ADGRL2: variants seen among roughly 807,000 people sequenced by gnomAD.
ADGRL2 encodes calcium-independent alpha-latrotoxin receptor 2.
ADGRL2 carries 44 observed loss-of-function variants against 157.4 expected under a neutral mutation model. That is an observed-to-expected ratio of 0.28 (90% confidence interval 0.22 to 0.36). The LOEUF (loss-of-function observed/expected upper bound fraction) is 0.36, where lower values mean the gene tolerates loss of function less well. Ranked by LOEUF, ADGRL2 falls within the 10% of genes least tolerant of loss-of-function variation. The pLI, the probability that ADGRL2 is intolerant of heterozygous loss-of-function variation, is 1.00. For synonymous variants in ADGRL2, 585 were observed against 624.7 expected, an observed-to-expected ratio of 0.94 and a Z score of 0.95; for missense variants, 1,510 against 1,768.9, an observed-to-expected ratio of 0.85 and a Z score of 2.63.
At chr1:81,764,466 T>A (rs1337126697) in intron 2 of ADGRL2, among the ~76,000 whole-genome samples, 2 of 152,132 alleles carry the variant, frequency 1.3e-5, no homozygotes, top group African/African-American at 2.4e-5. Flanking sequence ...GAAAAAAGTC[T>A]CTAGCATGCA....
rs115001994 is a variant in ADGRL2 at position 81,621,737 on chromosome 1, A to G, written c.-143+40757A>G. Among the ~76,000 whole-genome samples, 1,302 of 152,302 alleles carry G rather than the reference A, an allele frequency of 8.5e-3. 32 individuals carry two copies. Among genetic ancestry groups the G allele is most frequent in the African/African-American group, 0.03 (1,237 of 41,550 alleles). On this transcript the variant is annotated intron_variant, in intron 3 of 24. Coordinates refer to the ADGRL2 transcript ENST00000370721. The stretch of plus-strand genomic sequence containing the variant: ...AACTATGCCTGGATTCTTCATCGGC[A>G]GACCTGTGAGATGACAGATGCCTCT...
chr1:81,968,965 C>T (rs1258865091), intron 14 of ADGRL2, among the ~76,000 whole-genome samples: 2 of 152,156 alleles, frequency 1.3e-5, no homozygotes, highest in Admixed American at 6.5e-5. Flanking sequence ...CTTCCTCTCT[C>T]ATAGATCATT....
At chr1:81,957,525 C>A (rs1326276288) in intron 11 of ADGRL2, among the ~76,000 whole-genome samples, 1 of 151,766 alleles carries the variant, frequency 6.6e-6, no homozygotes, top group Non-Finnish European at 1.5e-5. Flanking sequence ...ATGGTGAAAC[C>A]CAATCTTTAC....
intron 3 of ADGRL2, among the ~76,000 whole-genome samples, chr1:81,587,761 C>A (rs532608866): frequency 6.6e-6 from 1 of 152,104 alleles, no homozygotes; most frequent in African/African-American, 2.4e-5. Flanking sequence ...AGAATAGAAT[C>A]GTTTTTATGA....
intron 3 of ADGRL2, among the ~76,000 whole-genome samples, chr1:81,915,448 G>A (rs1181929841): frequency 1.3e-5 from 2 of 152,074 alleles, no homozygotes; most frequent in Non-Finnish European, 2.9e-5. Flanking sequence ...GAATACAGGT[G>A]TGAATTGGCT....
intron 1 of ADGRL2, among the ~76,000 whole-genome samples, chr1:81,435,388 C>T (rs2077390655): frequency 6.6e-6 from 1 of 152,190 alleles, no homozygotes; most frequent in South Asian, 2.1e-4. Context: ...GGAATTCCCC[C>T]ACCTCCAATC....
intron 1 of ADGRL2, among the ~76,000 whole-genome samples, chr1:81,704,837 A>C (rs2083681487): frequency 6.6e-6 from 1 of 152,240 alleles, no homozygotes; most frequent in Non-Finnish European, 1.5e-5. Context: ...CTTTTACTTA[A>C]GGAATTCATC....
chr1:81,935,834 A>G (rs2095303334), intron 3 of ADGRL2, among the ~76,000 whole-genome samples: 1 of 151,950 alleles, frequency 6.6e-6, no homozygotes, highest in Non-Finnish European at 1.5e-5. Context: ...CATAGAATGT[A>G]CATATCATTT....
chr1:81,468,299 G>C (rs1045996193), intron 2 of ADGRL2, among the ~76,000 whole-genome samples: 4 of 152,132 alleles, frequency 2.6e-5, no homozygotes, highest in Non-Finnish European at 5.9e-5. Context: ...GTCCCTAGGT[G>C]CTGATACTGG....
chr1:81,795,613 C>T (rs1443159998), upstream of ADGRL2, among the ~76,000 whole-genome samples: 2 of 152,136 alleles, frequency 1.3e-5, no homozygotes, highest in East Asian at 1.9e-4. Flanking sequence ...GAGTTTGCTT[C>T]CTGACTCTTA....
intron 2 of ADGRL2, among the ~76,000 whole-genome samples, chr1:81,865,385 C>G (rs188249355): frequency 6.6e-6 from 1 of 152,102 alleles, no homozygotes; most frequent in East Asian, 1.9e-4. Context: ...TTCACTACAT[C>G]GAAGCTATTT....
intron 3 of ADGRL2, among the ~76,000 whole-genome samples, chr1:81,685,419 G>C (rs2083209119): frequency 6.6e-6 from 1 of 151,782 alleles, no homozygotes; most frequent in Admixed American, 6.6e-5. Context: ...TTGAGTTCTT[G>C]ATTTGATTCT....
At chr1:81,416,937 A>G (rs946563882) in intron 1 of ADGRL2, among the ~76,000 whole-genome samples, 1 of 152,200 alleles carries the variant, frequency 6.6e-6, no homozygotes, top group East Asian at 1.9e-4. Context: ...CCTGGCATAG[A>G]TCCCAAGAAT....
chr1:81,425,906 G>T (rs951928003), intron 1 of ADGRL2, among the ~76,000 whole-genome samples: 1 of 151,808 alleles, frequency 6.6e-6, no homozygotes, highest in South Asian at 2.1e-4. Flanking sequence ...TTGCCCTGTT[G>T]CCCAGGCTGG....
intron 6 of ADGRL2, among the ~76,000 whole-genome samples, chr1:81,944,878 A>G (rs1649286156): frequency 6.6e-6 from 1 of 152,074 alleles, no homozygotes; most frequent in Non-Finnish European, 1.5e-5. Context: ...AAATATTGTC[A>G]TACGGTCAGG....
At chr1:81,933,514 T>G (rs1444207005) in intron 3 of ADGRL2, among the ~76,000 whole-genome samples, 1 of 152,246 alleles carries the variant, frequency 6.6e-6, no homozygotes, top group African/African-American at 2.4e-5. Context: ...CTTTTCGCTT[T>G]CATTAGTATG....
intron 1 of ADGRL2, among the ~76,000 whole-genome samples, chr1:81,368,639 G>A (rs962215742): frequency 6.6e-6 from 1 of 152,154 alleles, no homozygotes; most frequent in Non-Finnish European, 1.5e-5. Context: ...ACAAAGCCCA[G>A]TACCTTCCAA....
At chr1:81,980,384 G>A (rs1288855867) in intron 18 of ADGRL2, among the ~76,000 whole-genome samples, 1 of 151,704 alleles carries the variant, frequency 6.6e-6, no homozygotes, top group Non-Finnish European at 1.5e-5. Context: ...TTAACTTGAA[G>A]ATTATCTGTT....
intron 2 of ADGRL2, among the ~76,000 whole-genome samples, chr1:81,838,302 A>T (rs1201431881): frequency 1.3e-5 from 2 of 152,120 alleles, no homozygotes; most frequent in African/African-American, 4.8e-5. Context: ...ACAAATTTAG[A>T]AATACTTAAA....
Sources: gnomAD v4.1 joint callset for allele counts (sites outside exome capture counted in the v4.1 genomes callset) on GRCh38, gnomAD v4.1.1 for gene constraint, MANE v1.5 for transcripts, NCBI Gene and HGNC (gene_info 2026-07-23, HGNC 2026-07-21) for gene names.